The following ZNF451 variants were observed in gnomAD, a reference collection of about 807,000 sequenced individuals.
ZNF451 encodes the protein zinc finger protein 451.
A neutral mutation model predicts 107.1 loss-of-function variants in ZNF451; 80 were observed. That is an observed-to-expected ratio of 0.75 (90% confidence interval 0.62 to 0.90). The LOEUF (loss-of-function observed/expected upper bound fraction) is 0.90, where lower values mean the gene tolerates loss of function less well. ZNF451 is among the 40% of genes least tolerant of loss of function. The pLI, the probability that ZNF451 is intolerant of heterozygous loss-of-function variation, is 0.00. For missense variants in ZNF451, 1,107 were observed against 1,236.2 expected, an observed-to-expected ratio of 0.90 and a Z score of 1.57; for synonymous variants, 362 against 406.5, an observed-to-expected ratio of 0.89 and a Z score of 1.32.
chr6:57,114,390 A>G (rs1160184619), intron 3 of ZNF451, among the ~76,000 whole-genome samples: 1 of 152,110 alleles, frequency 6.6e-6, no homozygotes, highest in Non-Finnish European at 1.5e-5. Flanking sequence ...ATATATGTAA[A>G]AAAATATATA....
intron 3 of ZNF451, chr6:57,107,643 G>A (rs952478309): frequency 2.0e-6 from 2 of 985,156 alleles, no homozygotes; most frequent in Non-Finnish European, 2.4e-6. Context: ...TAGATGTTAA[G>A]GGCTTTACTG....
chr6:57,156,721 A>T (rs113578111), intron 13 of ZNF451, among the ~76,000 whole-genome samples: 1 of 152,208 alleles, frequency 6.6e-6, no homozygotes, highest in Non-Finnish European at 1.5e-5. Flanking sequence ...GTCCTTTGGG[A>T]TGTAACCTAA....
chr6:57,111,904 A>C lies in ZNF451; in HGVS notation c.186+12763A>C, dbSNP rs534672962. On this transcript the variant is annotated intron_variant, in intron 3 of 14. Coordinates refer to ENST00000370706, the MANE Select transcript of ZNF451 (RefSeq NM_001031623.3). Reference sequence around the variant, plus strand: ...GGAGTATATCTATATGTGTGTTTTAAGATTTGTTCATACAAAGCAGATGTT... The same window carrying C: ...GGAGTATATCTATATGTGTGTTTTACGATTTGTTCATACAAAGCAGATGTT... 4.1e-4 allele frequency among the ~76,000 whole-genome samples: 63 copies of C among 152,332 alleles called. 1 individual carries two copies. Among genetic ancestry groups the C allele is most frequent in the Middle Eastern group, 3.4e-3 (1 of 294 alleles).
At chr6:57,146,432 T>C (rs1271543831) in intron 9 of ZNF451, among the ~76,000 whole-genome samples, 1 of 152,190 alleles carries the variant, frequency 6.6e-6, no homozygotes, top group East Asian at 1.9e-4. Context: ...CATCTTGAGT[T>C]ATTTTTTGTA....
rs894207196 is a variant in ZNF451, at chr6:57,150,646, C to T, written c.2609-73C>T. 13 of 1,472,392 alleles carry T rather than the reference C, an allele frequency of 8.8e-6. No homozygotes were observed. In the African/African-American group the frequency reaches 1.8e-4, roughly 21 times the overall value. 91.2% of individuals were successfully genotyped at this position (1,472,392 alleles called of 1,614,324 possible). A position where few individuals can be genotyped will look rare whatever the true frequency, so the allele number is the denominator to read the frequency against. On this transcript the variant is annotated intron_variant, in intron 10 of 14. Coordinates refer to ENST00000370706, the MANE Select transcript of ZNF451 (RefSeq NM_001031623.3). Reference sequence around the variant, plus strand: ...ATTTTTGCATATTAGGCTTCTAATACTTTTTGGACTTGAAATCAGAATGAT... The same window carrying T: ...ATTTTTGCATATTAGGCTTCTAATATTTTTTGGACTTGAAATCAGAATGAT...
At chr6:57,118,547 A>G (rs1830480335) in intron 3 of ZNF451, among the ~76,000 whole-genome samples, 1 of 152,002 alleles carries the variant, frequency 6.6e-6, no homozygotes, top group African/African-American at 2.4e-5. Flanking sequence ...CCCAGGCTGG[A>G]TCATAGCTCT....
chr6:57,105,039 T>C, intron 3 of ZNF451: 1 of 984,640 alleles, frequency 1.0e-6, no homozygotes, highest in Non-Finnish European at 1.2e-6. Context: ...ACTTGAATGA[T>C]AATGTTATAA....
At chr6:57,106,974 C>T in intron 3 of ZNF451, 1 of 923,900 alleles carries the variant, frequency 1.1e-6, no homozygotes, top group Non-Finnish European at 1.3e-6. Flanking sequence ...CCTGGATGAA[C>T]AGAATATTGT....
chr6:57,111,619 G>A (rs1195628911), intron 3 of ZNF451, among the ~76,000 whole-genome samples: 1 of 152,102 alleles, frequency 6.6e-6, no homozygotes, highest in Non-Finnish European at 1.5e-5. Flanking sequence ...GACCTCAGGT[G>A]ATCCACCTGC....
rs116221319 is a variant in ZNF451 at position 57,120,252 on chromosome 6, A to T, written c.187-4482A>T. ...CCTCCATGTCTTTTCACAGCTTGAT[A>T]GCTCAATTCTTTTTAGCATTGAATA... is the stretch of plus-strand genomic sequence containing the variant. On this transcript the variant is annotated intron_variant, in intron 3 of 14. Coordinates refer to ENST00000370706, the MANE Select transcript of ZNF451 (RefSeq NM_001031623.3). Among the ~76,000 whole-genome samples the T allele has an allele frequency of 6.3e-3, 956 of 152,320 alleles. 10 individuals are homozygous for T. The highest frequency in any genetic ancestry group is 0.022 in the African/African-American group (906 of 41,564).
At chr6:57,109,341 T>C in intron 3 of ZNF451, 1 of 985,376 alleles carries the variant, frequency 1.0e-6, no homozygotes, top group Non-Finnish European at 1.2e-6. Flanking sequence ...GATATTGGTT[T>C]AATGGAAGGA....
Position 57,168,390 on chromosome 6 carries a change from CTAAG to C in ZNF451, c.3140-31_3140-28del, listed in dbSNP as rs756958011. ...TACAGCACATGTTGAGTTTTCTGCC[CTAAG>C]TGTTAAAATTCTATGTTTTTTAATG... is the stretch of plus-strand genomic sequence containing the variant. On this transcript the variant is annotated intron_variant, in intron 14 of 14. Transcript: ENST00000370706. 30 of 1,515,734 alleles carry C rather than the reference CTAAG, an allele frequency of 2.0e-5. No homozygotes were observed. In the African/African-American group the frequency reaches 2.5e-4, roughly 13 times the overall value. 93.9% of individuals were successfully genotyped at this position (1,515,734 alleles called of 1,614,324 possible).
chr6:57,135,630 A>C (rs1562613252), intron 7 of ZNF451, among the ~76,000 whole-genome samples: 1 of 152,158 alleles, frequency 6.6e-6, no homozygotes, highest in Non-Finnish European at 1.5e-5. Flanking sequence ...CAAACATAAA[A>C]GCTTAAATAT....
rs1377431953 is a variant in ZNF451 at position 57,148,325 on chromosome 6, A to C, written c.2240A>C (p.Asp747Ala). The C allele has an allele frequency of 3.1e-6, 5 of 1,614,070 alleles. No individual in the cohort carries two copies. The highest frequency in any genetic ancestry group is 4.2e-6 in the Non-Finnish European group (5 of 1,179,984). The change falls in exon 10 of 15, where the codon GAT (aspartate) becomes GCT (alanine). Residue 747 changes from aspartate (D) to alanine (A), a missense_variant. Around this residue, in one of 5 missense-constraint regions of ZNF451, gnomAD observed 608 missense variants for 649.2 expected, o/e 0.94. Transcript: ENST00000370706. ...DYSRCLQIML[D>A]KGKLWFRCSL... Reference sequence around the variant, plus strand: ...AGCAGATGTCTCCAAATCATGCTGGATAAAGGAAAACTGTGGTTTCGCTGC... The same window carrying C: ...AGCAGATGTCTCCAAATCATGCTGGCTAAAGGAAAACTGTGGTTTCGCTGC...
chr6:57,108,960 G>C (rs1474207746), intron 3 of ZNF451: 1 of 985,280 alleles, frequency 1.0e-6, no homozygotes, highest in Admixed American at 6.2e-5. Context: ...CTGCCTCCAT[G>C]TGTTTTTCAA....
chr6:57,121,532 G>A lies in ZNF451; in HGVS notation c.187-3202G>A, dbSNP rs551251722. 3.9e-5 allele frequency among the ~76,000 whole-genome samples: 6 copies of A among 152,200 alleles called. No individual in the cohort carries two copies. The South Asian group carries it at 1.2e-3, about 32-fold the overall frequency. On this transcript the variant is annotated intron_variant, in intron 3 of 14. Coordinates refer to ENST00000370706, the MANE Select transcript of ZNF451 (RefSeq NM_001031623.3). The stretch of plus-strand genomic sequence containing the variant: ...TGAAATACCTCTCCACTTCTTGAGA[G>A]GTTCTTTGATACAAAATTAACTACA...
rs138160023 is a variant in ZNF451 at position 57,151,087 on chromosome 6, C to T, written c.2752+225C>T. On this transcript the variant is annotated intron_variant, in intron 11 of 14. Coordinates refer to ENST00000370706, the MANE Select transcript of ZNF451 (RefSeq NM_001031623.3). The stretch of plus-strand genomic sequence containing the variant: ...AAAGTTTATGGATCTTTTGGCCGGG[C>T]GCGGTGGCTCACGTCTGTAATCCCA... 4.3e-5 allele frequency: 19 copies of T among 442,788 alleles called. No individual in the cohort carries two copies. The East Asian group carries it at 5.6e-4, about 13-fold the overall frequency. The allele number at this position is 442,788 out of a possible 1,614,324, so 27.4% of individuals were successfully genotyped here.
At chr6:57,123,980 G>C (rs74663812) in intron 3 of ZNF451, among the ~76,000 whole-genome samples, 1 of 152,170 alleles carries the variant, frequency 6.6e-6, no homozygotes, top group African/African-American at 2.4e-5. Context: ...TTCGCAATCT[G>C]TGTATCTTTT....
At chr6:57,098,975 C>T in intron 2 of ZNF451, 86 bp from the exon 3 acceptor site, 1 of 1,041,446 alleles carries the variant, frequency 9.6e-7, no homozygotes, top group Non-Finnish European at 1.5e-6. Flanking sequence ...CTTGCCAGTC[C>T]CAACCAAAAA....
Sources: allele counts gnomAD v4.1 joint callset (sites outside exome capture counted in the v4.1 genomes callset), GRCh38; gene constraint gnomAD v4.1.1; regional missense constraint gnomAD v4.1.1; transcripts MANE v1.5; gene names NCBI Gene and HGNC (gene_info 2026-07-23, HGNC 2026-07-21).